Variants in CA11 observed in about 807,000 individuals in gnomAD.
The protein encoded by CA11 is carbonic anhydrase 11 (inactive).
A neutral mutation model predicts 39.3 loss-of-function variants in CA11; 20 were observed. That is an observed-to-expected ratio of 0.51 (90% CI 0.36 to 0.74). The LOEUF is 0.74. Ranked by LOEUF, CA11 falls within the 30% of genes least tolerant of loss-of-function variation. CA11 has a pLI of 0.00. For missense variants in CA11, 336 were observed against 424.6 expected, an observed-to-expected ratio of 0.79 and a Z score of 1.83; for synonymous variants, 166 against 172.5, an observed-to-expected ratio of 0.96 and a Z score of 0.29.
At position 48,639,342 on chromosome 19, in the gene CA11, A is replaced by G; in HGVS notation, c.758T>C (p.Ile253Thr). 1 of 1,613,628 alleles carries G rather than the reference A, an allele frequency of 6.2e-7. No individual in the cohort carries two copies. Among genetic ancestry groups the G allele is most frequent in the South Asian group, 1.1e-5 (1 of 91,074 alleles). ...GATATTGAGGGCCCGGTCAATGAGG[A>G]TCCAGGTGACAGTCTCGGAGCAGGG... ...TPPCSETVTW[I>T]LIDRALNITS... The change falls in exon 7 of 9, where the codon ATC becomes ACC. Residue 253 changes from isoleucine (I) to threonine (T), a missense_variant. Coordinates refer to ENST00000084798, the MANE Select transcript of CA11 (RefSeq NM_001217.5).
intron 2 of CA11, 109 bp from the exon 3 acceptor site, chr19:48,644,678 G>T (rs2147723171): frequency 1.1e-6 from 1 of 900,212 alleles, no homozygotes; most frequent in Non-Finnish European, 1.6e-6. Context: ...TCCCAGGGGA[G>T]GAGGGGCTAG....
At chr19:48,640,820 G>A (rs1033075000) in intron 3 of CA11, among the ~76,000 whole-genome samples, 6 of 151,480 alleles carry the variant, frequency 4.0e-5, no homozygotes, top group African/African-American at 9.7e-5. Flanking sequence ...GACTACAGGC[G>A]CCCGCCACCA....
Position 48,638,062 on chromosome 19 carries a change from TC to T in CA11, c.*56del. 7.5e-7 allele frequency: 1 copy of T among 1,330,900 alleles called. No individual in the cohort carries two copies. Among genetic ancestry groups the T allele is most frequent in the Non-Finnish European group, 1.0e-6 (1 of 998,752 alleles). The allele number at this position is 1,330,900 out of a possible 1,614,324, so 82.4% of individuals were successfully genotyped here. A position where few individuals can be genotyped will look rare whatever the true frequency, so the allele number is the denominator to read the frequency against. ...TTAATAGCTTTGTTTTAGGGGTAACTCCCCTCGCCTTGTGGGGAGGCTTAGG... is the reference window on the plus strand; with the variant it reads ...TTAATAGCTTTGTTTTAGGGGTAACTCCCTCGCCTTGTGGGGAGGCTTAGG... On this transcript the variant is annotated 3_prime_UTR_variant, in exon 9 of 9. Coordinates refer to ENST00000084798, the MANE Select transcript of CA11 (RefSeq NM_001217.5).
Position 48,643,819 on chromosome 19 carries a change from C to T in CA11, c.285+608G>A, listed in dbSNP as rs1473177706. 2.0e-5 allele frequency among the ~76,000 whole-genome samples: 3 copies of T among 151,766 alleles called. No individual in the cohort carries two copies. Among genetic ancestry groups the T allele is most frequent in the Admixed American group, 1.3e-4 (2 of 15,196 alleles). ...AATAATTGTACCCATTTTGGCTGGA[C>T]GCAGTGGCTCATGCCTGTAATCCTA... On this transcript the variant is annotated intron_variant, in intron 3 of 8. Coordinates refer to ENST00000084798, the MANE Select transcript of CA11 (RefSeq NM_001217.5). The surrounding 1 kb of genome is among the most constrained non-coding windows in gnomAD (Gnocchi z 4.3).
Position 48,638,896 on chromosome 19 carries a change from C to T in CA11, c.953G>A (p.Arg318His), listed in dbSNP as rs368772133. The change falls in exon 8 of 9, where the codon CGC (arginine) becomes CAC (histidine). Residue 318 changes from arginine (R) to histidine (H), a missense_variant. By Grantham distance (29) the Arg-to-His change is conservative. Coordinates refer to ENST00000084798, the MANE Select transcript of CA11 (RefSeq NM_001217.5). The part of the protein sequence containing the change: ...PERRCRGPNY[R>H]LHVDGVPHGR Reference sequence around the variant, plus strand: ...TGCAGACTGGACCATACCATGCAGGCGGTAGTTGGGGCCTCGGCAGCGCCT... The same window carrying T: ...TGCAGACTGGACCATACCATGCAGGTGGTAGTTGGGGCCTCGGCAGCGCCT... 53 of 1,590,412 alleles carry T rather than the reference C, an allele frequency of 3.3e-5. No individual in the cohort carries two copies. The highest frequency in any genetic ancestry group is 4.4e-5 in the Non-Finnish European group (52 of 1,170,380).
Position 48,645,960 on chromosome 19 carries a change from C to A in CA11, c.-328G>T. On this transcript the variant is annotated 5_prime_UTR_variant, in exon 1 of 9. Transcript: ENST00000084798. ...GCTACCTCTTGGTTCCTAACCCACACCTCCTCTCCGTTCTCTTTTCATTAA... is the reference window on the plus strand; with the variant it reads ...GCTACCTCTTGGTTCCTAACCCACAACTCCTCTCCGTTCTCTTTTCATTAA... The A allele has an allele frequency of 1.4e-5, 6 of 434,156 alleles. No homozygotes were observed. Among genetic ancestry groups the A allele is most frequent in the Non-Finnish European group, 2.4e-5 (6 of 247,546 alleles). 26.9% of individuals were successfully genotyped at this position (434,156 alleles called of 1,614,324 possible).
rs370034004 is a variant in CA11 at position 48,644,574 on chromosome 19, G to T, written c.143-5C>A. 3.6e-5 allele frequency: 56 copies of T among 1,575,866 alleles called. No homozygotes were observed. In the Admixed American group the frequency reaches 5.6e-4, roughly 16 times the overall value. ...CCAGGCCCCAGAAAGGAGGCCCTGGGGGTGGGGTCGGAGTAGGAGGACAAG... is the reference window on the plus strand; with the variant it reads ...CCAGGCCCCAGAAAGGAGGCCCTGGTGGTGGGGTCGGAGTAGGAGGACAAG... On this transcript the variant is annotated splice_region_variant and splice_polypyrimidine_tract_variant and intron_variant, in intron 2 of 8. Transcript: ENST00000084798.
Position 48,638,134 on chromosome 19 carries a change from G to A in CA11, c.972C>T (p.Val324=), listed in dbSNP as rs779308499. The change falls in exon 9 of 9, where the codon GTC becomes GTT. Residue 324 remains valine, a synonymous_variant. Coordinates refer to ENST00000084798, the MANE Select transcript of CA11 (RefSeq NM_001217.5). ...AAGGGGAGTCTCAGCGACCATGGGG[G>A]ACACCATCCACTGTAAGACAGAGAA... is the stretch of plus-strand genomic sequence containing the variant. The part of the protein sequence containing the change: ...GPNYRLHVDG[V]PHGR The A allele has an allele frequency of 7.3e-7, 1 of 1,376,776 alleles. No homozygotes were observed. Among genetic ancestry groups the A allele is most frequent in the Non-Finnish European group, 9.4e-7 (1 of 1,058,944 alleles). 85.3% of individuals were successfully genotyped at this position (1,376,776 alleles called of 1,614,324 possible).
chr19:48,639,145 C>A, intron 7 of CA11, 92 bp from the exon 8 acceptor site: 2 of 1,552,848 alleles, frequency 1.3e-6, no homozygotes, highest in Admixed American at 1.8e-5. Context: ...AGCAGGTGGG[C>A]GGGGTCTGTT....
In CA11 at chr19:48,640,408, C is replaced by CTTG. The variant is rs59575727; in HGVS notation, c.286-131_286-129dup. On this transcript the variant is annotated intron_variant, in intron 3 of 8. Transcript: ENST00000084798. ...TTTTTTTTTGAAACGGAGTCTCGCT[C>CTTG]TTGTTGCCCAGGCTGGAGTGCAGTG... 1,171 of 738,656 alleles carry CTTG rather than the reference C, an allele frequency of 1.6e-3. 22 individuals are homozygous for CTTG. In the African/African-American group the frequency reaches 0.023, roughly 14 times the overall value. The allele number at this position is 738,656 out of a possible 1,614,324, so 45.8% of individuals were successfully genotyped here.
intron 3 of CA11, 137 bp from the exon 4 acceptor site, chr19:48,640,417 C>A: frequency 1.4e-6 from 1 of 703,522 alleles, no homozygotes; most frequent in Non-Finnish European, 2.2e-6. Context: ...TCTTGTTGCC[C>A]AGGCTGGAGT....
In CA11 at chr19:48,638,146, T is replaced by G; in HGVS notation, c.962-2A>C. On this transcript the variant is annotated splice_acceptor_variant, in intron 8 of 8. Coordinates refer to ENST00000084798, the MANE Select transcript of CA11 (RefSeq NM_001217.5). LOFTEE classifies it high-confidence loss of function. ...AGCGACCATGGGGGACACCATCCACTGTAAGACAGAGAACAACGGCAGGGG... is the reference window on the plus strand; with the variant it reads ...AGCGACCATGGGGGACACCATCCACGGTAAGACAGAGAACAACGGCAGGGG... 8.8e-7 allele frequency: 1 copy of G among 1,141,258 alleles called. No homozygotes were observed. The highest frequency in any genetic ancestry group is 3.5e-5 in the East Asian group (1 of 28,624). 70.7% of individuals were successfully genotyped at this position (1,141,258 alleles called of 1,614,324 possible). A position where few individuals can be genotyped will look rare whatever the true frequency, so the allele number is the denominator to read the frequency against.
intron 3 of CA11, among the ~76,000 whole-genome samples, chr19:48,640,808 G>T (rs1455492078): frequency 6.6e-6 from 1 of 152,040 alleles, no homozygotes; most frequent in African/African-American, 2.4e-5. Flanking sequence ...CAGAGTGGCT[G>T]GGACTACAGG....
Position 48,640,129 on chromosome 19 carries a change from T to G in CA11, c.437A>C (p.Glu146Ala). 1 of 1,613,940 alleles carries G rather than the reference T, an allele frequency of 6.2e-7. No individual in the cohort carries two copies. The highest frequency in any genetic ancestry group is 8.5e-7 in the Non-Finnish European group (1 of 1,179,942). ...GAAGCCCTGGTGGTTGATCTGATGT[T>G]CCGAGCCGGCTCCGTCGCGAGCTCC... ...LFGARDGAGS[E>A]HQINHQGFSA... The change falls in exon 4 of 9, where the codon GAA (glutamate) becomes GCA (alanine). Residue 146 changes from glutamate (E) to alanine (A), a missense_variant. Physicochemically the swap from Glu to Ala is moderately radical, Grantham distance 107 (BLOSUM62 -1). Coordinates refer to ENST00000084798, the MANE Select transcript of CA11 (RefSeq NM_001217.5).
chr19:48,640,326 A>C, intron 3 of CA11, 46 bp from the exon 4 acceptor site: 6 of 1,254,088 alleles, frequency 4.8e-6, no homozygotes, highest in Non-Finnish European at 6.7e-6. Context: ...GAGATCTTTT[A>C]TCTCTCGTTT....
intron 3 of CA11, among the ~76,000 whole-genome samples, chr19:48,640,679 T>TTTTTG (rs2031048990): frequency 6.9e-6 from 1 of 144,656 alleles, no homozygotes. Flanking sequence ...CGGTCTTTTT[T>TTTTTG]TTTTTTCTGG....
Position 48,638,145 on chromosome 19 carries a change from C to A in CA11, c.962-1G>T. 7.8e-7 allele frequency: 1 copy of A among 1,274,904 alleles called. No homozygotes were observed. The highest frequency in any genetic ancestry group is 1.0e-6 in the Non-Finnish European group (1 of 986,196). The allele number at this position is 1,274,904 out of a possible 1,614,324, so 79.0% of individuals were successfully genotyped here. A position where few individuals can be genotyped will look rare whatever the true frequency, so the allele number is the denominator to read the frequency against. On this transcript the variant is annotated splice_acceptor_variant, in intron 8 of 8. Transcript: ENST00000084798. LOFTEE classifies it high-confidence loss of function. ...CAGCGACCATGGGGGACACCATCCA[C>A]TGTAAGACAGAGAACAACGGCAGGG...
chr19:48,642,485 C>T (rs1197429510), intron 3 of CA11, among the ~76,000 whole-genome samples: 5 of 151,848 alleles, frequency 3.3e-5, no homozygotes, highest in African/African-American at 4.8e-5. Flanking sequence ...GGCGACAGAG[C>T]GAGACTCCGA....
rs201209124 is a variant in CA11, at chr19:48,645,667, C to T, written c.-35G>A. The T allele has an allele frequency of 2.3e-5, 34 of 1,470,012 alleles. No individual in the cohort carries two copies. The Admixed American group carries it at 6.5e-4, about 28-fold the overall frequency. 91.1% of individuals were successfully genotyped at this position (1,470,012 alleles called of 1,614,324 possible). The stretch of plus-strand genomic sequence containing the variant: ...GCCTCCGAGGGACCCCTGCCCAACG[C>T]CCTGCCCCCCTCTCTCAGCTCCTCT... On this transcript the variant is annotated 5_prime_UTR_variant, in exon 1 of 9. Coordinates refer to ENST00000084798, the MANE Select transcript of CA11 (RefSeq NM_001217.5).
Sources: allele counts gnomAD v4.1 joint callset (sites outside exome capture counted in the v4.1 genomes callset), GRCh38; gene constraint gnomAD v4.1.1; non-coding constraint Gnocchi (gnomAD v3.1); transcripts MANE v1.5; gene names NCBI Gene and HGNC (gene_info 2026-07-23, HGNC 2026-07-21).